Variants in WDR35 observed in about 807,000 individuals in gnomAD.
WDR35 encodes the protein WD repeat-containing protein 35.
Under a neutral mutation model 158.3 loss-of-function variants are expected in WDR35, and 118 were observed. That is an observed-to-expected ratio of 0.75 (90% CI 0.64 to 0.87). The LOEUF (loss-of-function observed/expected upper bound fraction) is 0.87, where lower values mean the gene tolerates loss of function less well. Ranked by LOEUF, WDR35 falls within the 40% of genes least tolerant of loss-of-function variation. WDR35 has a pLI of 0.00. For missense variants in WDR35, 1,263 were observed against 1,405.8 expected (o/e 0.90, Z 1.62); for synonymous variants, 448 against 476.1 (o/e 0.94, Z 0.77).
At position 19,913,278 on chromosome 2, in the gene WDR35, A is replaced by G. The variant is rs1019269030; in HGVS notation, c.*280T>C. On this transcript the variant is annotated 3_prime_UTR_variant, in exon 27 of 27. Coordinates refer to ENST00000281405, the MANE Select transcript of WDR35 (RefSeq NM_020779.4). ...AAAAAAATTTATTTGGAATATTTCC[A>G]TGGTATCATGTAACCAAAAACAAGA... is the stretch of plus-strand genomic sequence containing the variant. 6.5e-6 allele frequency: 2 copies of G among 306,500 alleles called. No individual in the cohort carries two copies. The highest frequency in any genetic ancestry group is 2.2e-5 in the African/African-American group (1 of 45,852). 19.0% of individuals were successfully genotyped at this position (306,500 alleles called of 1,614,324 possible).
intron 21 of WDR35, 178 bp downstream of exon 21, chr2:19,935,293 T>G (rs1018011896): frequency 3.5e-6 from 2 of 574,670 alleles, no homozygotes; most frequent in Non-Finnish European, 5.5e-6. Context: ...TCCTCCATTT[T>G]CAAGCATTCT....
At position 19,969,464 on chromosome 2, in the gene WDR35, T is replaced by C. The variant is rs766346279; in HGVS notation, c.1008+16A>G. 1 of 1,604,572 alleles carries C rather than the reference T, an allele frequency of 6.2e-7. No individual in the cohort carries two copies. Among genetic ancestry groups the C allele is most frequent in the South Asian group, 1.1e-5 (1 of 90,262 alleles). ...TAAGAAACACTGTTTATTTTACAAC[T>C]GCTCTTAATATTTACCTTATAATTA... is the stretch of plus-strand genomic sequence containing the variant. On this transcript the variant is annotated intron_variant, in intron 9 of 26. Coordinates refer to ENST00000281405, the MANE Select transcript of WDR35 (RefSeq NM_020779.4).
intron 8 of WDR35, among the ~76,000 whole-genome samples, chr2:19,972,801 T>G (rs1672072191): frequency 6.6e-6 from 1 of 152,064 alleles, no homozygotes; most frequent in South Asian, 2.1e-4. Context: ...GGCGAATTTA[T>G]AAAAGCCAAC....
intron 2 of WDR35, among the ~76,000 whole-genome samples, chr2:19,984,095 G>A (rs1672480115): frequency 6.7e-6 from 1 of 149,406 alleles, no homozygotes; most frequent in Non-Finnish European, 1.5e-5. Flanking sequence ...AGTGAAATGG[G>A]TCATATGAGA....
At position 19,933,401 on chromosome 2, in the gene WDR35, T is replaced by C. The variant is rs1489855170; in HGVS notation, c.2658A>G (p.Gln886=). ...AAVDTCVHLN[Q]WNKAVELAKN... Reference sequence around the variant, plus strand: ...ACAGACAGAAAGTTTCAGTTCCTACTTGGTTGAGATGTACGCAGGTATCTA... The same window carrying C: ...ACAGACAGAAAGTTTCAGTTCCTACCTGGTTGAGATGTACGCAGGTATCTA... Residue 886 remains glutamine (Q), a splice_region_variant and synonymous_variant, in exon 22 of 27, where the codon CAA becomes CAG. Transcript: ENST00000281405. The C allele has an allele frequency of 6.2e-7, 1 of 1,612,612 alleles. No homozygotes were observed. Among genetic ancestry groups the C allele is most frequent in the Admixed American group, 1.7e-5 (1 of 59,986 alleles).
intron 25 of WDR35, among the ~76,000 whole-genome samples, chr2:19,916,791 T>C (rs1670004681): frequency 6.6e-6 from 1 of 152,168 alleles, no homozygotes; most frequent in African/African-American, 2.4e-5. Flanking sequence ...GGGGTGGTTA[T>C]GGGCGCAGCT....
intron 2 of WDR35, among the ~76,000 whole-genome samples, chr2:19,985,193 A>G (rs1268926200): frequency 6.6e-6 from 1 of 151,892 alleles, no homozygotes; most frequent in Non-Finnish European, 1.5e-5. Context: ...AGGGCTCTCT[A>G]TTTCCTCTCA....
chr2:19,954,068 C>A, intron 11 of WDR35, 90 bp from the exon 12 acceptor site: 2 of 1,475,972 alleles, frequency 1.4e-6, no homozygotes, highest in Non-Finnish European at 9.4e-7. Flanking sequence ...CGGAGTTCAA[C>A]CCCTCATTTT....
chr2:19,927,191 C>T (rs1670383944), intron 25 of WDR35, among the ~76,000 whole-genome samples: 1 of 152,164 alleles, frequency 6.6e-6, no homozygotes, highest in Non-Finnish European at 1.5e-5. Context: ...GGCAATAATG[C>T]CTAGATGTAA....
intron 17 of WDR35, among the ~76,000 whole-genome samples, chr2:19,941,084 T>C (rs748805964): frequency 8.5e-5 from 13 of 152,168 alleles, no homozygotes; most frequent in Non-Finnish European, 1.9e-4. Context: ...CACTAACTTC[T>C]GGAAATTTTA....
chr2:19,956,495 A>G (rs942547599), intron 11 of WDR35, among the ~76,000 whole-genome samples: 3 of 152,226 alleles, frequency 2.0e-5, no homozygotes, highest in Non-Finnish European at 4.4e-5. Context: ...TAAGTTGAAA[A>G]TAATAATAAT....
Position 19,990,036 on chromosome 2 carries a change from C to T in WDR35, c.-21G>A. 6.2e-7 allele frequency: 1 copy of T among 1,613,614 alleles called. No individual in the cohort carries two copies. The highest frequency in any genetic ancestry group is 8.5e-7 in the Non-Finnish European group (1 of 1,179,804). On this transcript the variant is annotated 5_prime_UTR_variant, in exon 1 of 27. Transcript: ENST00000281405. ...AACATCGTGGGATCCCCGAGAGGGT[C>T]ACGGCGGCCGCTAAGGCCCTCGACA...
chr2:19,944,111 C>G (rs1419153030), intron 16 of WDR35, among the ~76,000 whole-genome samples: 1 of 151,962 alleles, frequency 6.6e-6, no homozygotes, highest in Non-Finnish European at 1.5e-5. Flanking sequence ...GCTAGAAAAG[C>G]AAATGAGCAG....
intron 17 of WDR35, among the ~76,000 whole-genome samples, chr2:19,938,945 A>G (rs1670786262): frequency 6.6e-6 from 1 of 152,198 alleles, no homozygotes; most frequent in Non-Finnish European, 1.5e-5. Context: ...GCTGTTAATT[A>G]ATAGTTGCTG....
At chr2:19,958,972 GAGT>G (rs1671541717) in intron 11 of WDR35, among the ~76,000 whole-genome samples, 1 of 152,038 alleles carries the variant, frequency 6.6e-6, no homozygotes, top group African/African-American at 2.4e-5. Flanking sequence ...AATTCTAGAA[GAGT>G]ATCACTCACA....
intron 25 of WDR35, among the ~76,000 whole-genome samples, chr2:19,925,440 C>T (rs1292879327): frequency 6.6e-6 from 1 of 152,208 alleles, no homozygotes; most frequent in East Asian, 1.9e-4. Context: ...AATCAAATTA[C>T]TGATAAACGT....
intron 16 of WDR35, among the ~76,000 whole-genome samples, chr2:19,945,380 GAGAC>G (rs1264729249): frequency 6.6e-6 from 1 of 152,076 alleles, no homozygotes; most frequent in African/African-American, 2.4e-5. Flanking sequence ...AGTGAATAAA[GAGAC>G]AGAAAAGAAT....
At chr2:19,951,612 GAGAGT>G (rs1415597293) in intron 12 of WDR35, 128 bp from the exon 13 acceptor site, 1 of 748,748 alleles carries the variant, frequency 1.3e-6, no homozygotes, top group Non-Finnish European at 2.2e-6. Context: ...GATTATTTTA[GAGAGT>G]TCTCAACACA....
At chr2:19,974,384 G>C (rs1013949791) in intron 7 of WDR35, 84 bp downstream of exon 7, 6 of 1,365,196 alleles carry the variant, frequency 4.4e-6, no homozygotes, top group Non-Finnish European at 5.9e-6. Context: ...ACTCCAGCCT[G>C]GGCGACAGAG....
Sources: gnomAD v4.1 joint callset for allele counts (sites outside exome capture counted in the v4.1 genomes callset) on GRCh38, gnomAD v4.1.1 for gene constraint, MANE v1.5 for transcripts, NCBI Gene and HGNC (gene_info 2026-07-23, HGNC 2026-07-21) for gene names.